PIK3C2G: variants seen among roughly 807,000 people sequenced by gnomAD.
PIK3C2G encodes phosphatidylinositol 3-kinase C2 domain-containing subunit gamma.
In PIK3C2G, 168 loss-of-function variants were observed where a neutral mutation model predicts 181.1. That is an observed-to-expected ratio of 0.93 (90% CI 0.82 to 1.05). The LOEUF (loss-of-function observed/expected upper bound fraction) is 1.05. Ranked by LOEUF, PIK3C2G falls within the 50% of genes least tolerant of loss-of-function variation. The probability of loss-of-function intolerance (pLI) is 0.00; values close to 1 mark genes in which losing one functional copy is unlikely to be tolerated. For missense variants in PIK3C2G, 1,869 were observed against 1,732.8 expected (o/e 1.08, Z -1.40); for synonymous variants, 573 against 592.2 (o/e 0.97, Z 0.47).
At chr12:18,725,770 G>A in the PIK3C2G span, among the ~76,000 whole-genome samples, 4 of 151,976 alleles carry the variant, frequency 2.6e-5, no homozygotes, top group African/African-American at 9.7e-5. Context: ...TATGTTTCTC[G>A]TTGTTGTTTT....
At chr12:18,388,457 T>G (rs1170166136) in intron 14 of PIK3C2G, among the ~76,000 whole-genome samples, 1 of 152,110 alleles carries the variant, frequency 6.6e-6, no homozygotes, top group Non-Finnish European at 1.5e-5. Context: ...GTATTTTTAG[T>G]AGACACACGG....
At chr12:18,399,015 G>C (rs1944061514) in intron 15 of PIK3C2G, among the ~76,000 whole-genome samples, 1 of 150,942 alleles carries the variant, frequency 6.6e-6, no homozygotes, top group South Asian at 2.1e-4. Flanking sequence ...CTAAAACGGT[G>C]AAACCCCGTC....
intron 18 of PIK3C2G, among the ~76,000 whole-genome samples, chr12:18,479,849 G>A (rs1436820238): frequency 1.3e-5 from 2 of 152,136 alleles, no homozygotes; most frequent in Non-Finnish European, 2.9e-5. Flanking sequence ...CAAATTTCTC[G>A]ATCACTCAGT....
intron 1 of PIK3C2G, 90 bp from the exon 2 acceptor site, chr12:18,281,914 A>G: frequency 1.8e-6 from 1 of 561,250 alleles, no homozygotes; most frequent in Non-Finnish European, 3.2e-6. Flanking sequence ...CCCACAAAAC[A>G]GTTAGTTATA....
chr12:18,590,132 T>TC (rs1947001752), intron 29 of PIK3C2G, among the ~76,000 whole-genome samples: 2 of 150,914 alleles, frequency 1.3e-5, no homozygotes, highest in African/African-American at 2.4e-5. Flanking sequence ...TTTTTTTTTT[T>TC]CACCTGGGAA....
intron 29 of PIK3C2G, among the ~76,000 whole-genome samples, chr12:18,571,891 G>A (rs1409102940): frequency 6.6e-6 from 1 of 150,488 alleles, no homozygotes; most frequent in African/African-American, 2.5e-5. Flanking sequence ...ATGTGTATAT[G>A]TTATACTCAA....
chr12:18,696,522 G>A, the PIK3C2G span, among the ~76,000 whole-genome samples: 2 of 150,878 alleles, frequency 1.3e-5, no homozygotes, highest in Non-Finnish European at 1.5e-5. Context: ...GATCATTCAA[G>A]GAAAAAATTG....
the PIK3C2G span, among the ~76,000 whole-genome samples, chr12:18,657,934 AC>A: frequency 6.6e-6 from 1 of 152,276 alleles, no homozygotes; most frequent in East Asian, 1.9e-4. Context: ...GAAACCACAT[AC>A]AAAGAACTGA....
intron 29 of PIK3C2G, among the ~76,000 whole-genome samples, chr12:18,568,720 T>C (rs1254098149): frequency 6.6e-6 from 1 of 152,144 alleles, no homozygotes; most frequent in Non-Finnish European, 1.5e-5. Flanking sequence ...ACAATAATGT[T>C]TGACCAAATA....
intron 12 of PIK3C2G, among the ~76,000 whole-genome samples, chr12:18,363,803 A>T (rs900347874): frequency 1.3e-5 from 2 of 152,064 alleles, no homozygotes; most frequent in Non-Finnish European, 2.9e-5. Flanking sequence ...ACCACAATCA[A>T]TGGAGACTGT....
rs562517531 is a variant in PIK3C2G at position 18,554,640 on chromosome 12, A to C, written c.3591-8063A>C. Reference sequence around the variant, plus strand: ...TCACTGAGCTCATTTAGGAATAGTAAATTTTTTTGCTTAAAAAATATGTGT... The same window carrying C: ...TCACTGAGCTCATTTAGGAATAGTACATTTTTTTGCTTAAAAAATATGTGT... On this transcript the variant is annotated intron_variant, in intron 26 of 32. Coordinates refer to ENST00000538779, the MANE Select transcript of PIK3C2G (RefSeq NM_001288772.2). Among the ~76,000 whole-genome samples the C allele has an allele frequency of 2.8e-4, 43 of 152,172 alleles. 1 individual carries two copies. The South Asian group carries it at 8.9e-3, about 32-fold the overall frequency.
chr12:18,574,413 A>G (rs576838126), intron 29 of PIK3C2G, among the ~76,000 whole-genome samples: 4 of 152,330 alleles, frequency 2.6e-5, no homozygotes, highest in Non-Finnish European at 4.4e-5. Flanking sequence ...TATCTGTAAC[A>G]TTCAGTTTGC....
chr12:18,286,689 T>C (rs1949458885), intron 2 of PIK3C2G, among the ~76,000 whole-genome samples, 158 bp from the exon 3 acceptor site: 1 of 152,130 alleles, frequency 6.6e-6, no homozygotes, highest in African/African-American at 2.4e-5. Flanking sequence ...TTAAGATCTG[T>C]GCATTTTTCT....
the PIK3C2G span, chr12:18,701,439 C>T: frequency 3.7e-6 from 6 of 1,606,708 alleles, no homozygotes; most frequent in African/African-American, 6.7e-5. Flanking sequence ...AAAAAAATCT[C>T]CAAGAATAAA....
intron 24 of PIK3C2G, among the ~76,000 whole-genome samples, chr12:18,521,864 G>A (rs966737290): frequency 2.0e-5 from 3 of 152,236 alleles, no homozygotes; most frequent in African/African-American, 7.2e-5. Flanking sequence ...GCGGCTCCAT[G>A]GTTAGGACCC....
At chr12:18,593,996 T>C (rs1186200267) in intron 29 of PIK3C2G, among the ~76,000 whole-genome samples, 4 of 151,896 alleles carry the variant, frequency 2.6e-5, no homozygotes, top group African/African-American at 9.7e-5. Context: ...TTTTACTATG[T>C]ACAGAGAACC....
At chr12:18,395,243 A>C (rs932061596) in intron 15 of PIK3C2G, among the ~76,000 whole-genome samples, 29 of 151,346 alleles carry the variant, frequency 1.9e-4, no homozygotes, top group Non-Finnish European at 2.5e-4. Context: ...ATCAGATAAA[A>C]TAAACAAATT....
intron 11 of PIK3C2G, chr12:18,358,896 A>T (rs1940987113): frequency 5.9e-6 from 1 of 170,310 alleles, no homozygotes; most frequent in Non-Finnish European, 1.3e-5. Flanking sequence ...GCTCTTCCTC[A>T]TTCTATAAAT....
At chr12:18,424,087 C>A in intron 18 of PIK3C2G, 48 bp downstream of exon 18, 1 of 1,035,322 alleles carries the variant, frequency 9.7e-7, no homozygotes, top group Non-Finnish European at 1.5e-6. Context: ...TTGCCACCTT[C>A]TCTATGGGGC....
Sources: allele counts gnomAD v4.1 joint callset (sites outside exome capture counted in the v4.1 genomes callset), GRCh38; gene constraint gnomAD v4.1.1; transcripts MANE v1.5; gene names NCBI Gene and HGNC (gene_info 2026-07-23, HGNC 2026-07-21).